GRIP1: variants seen among roughly 807,000 people sequenced by gnomAD.
GRIP1 encodes glutamate receptor interacting protein 1.
Under a neutral mutation model 129.9 loss-of-function variants are expected in GRIP1, and 45 were observed. That is an observed-to-expected ratio of 0.35 (90% CI 0.27 to 0.44). The LOEUF (loss-of-function observed/expected upper bound fraction) is 0.44, where lower values mean the gene tolerates loss of function less well. Among genes scored for constraint, GRIP1 ranks in the 20% least tolerant of loss-of-function variants. The pLI is 1.00. For missense variants in GRIP1, 1,196 were observed against 1,396.8 expected, an observed-to-expected ratio of 0.86 and a Z score of 2.29; for synonymous variants, 530 against 520.8, an observed-to-expected ratio of 1.02 and a Z score of -0.24.
chr12:66,521,910 C>G (rs2061023453), intron 5 of GRIP1, among the ~76,000 whole-genome samples: 1 of 152,224 alleles, frequency 6.6e-6, no homozygotes, highest in African/African-American at 2.4e-5. Flanking sequence ...ATTGCTAGCA[C>G]AGCAGTCTGA....
chr12:66,873,494 C>T (rs188850347), intron 1 of GRIP1, among the ~76,000 whole-genome samples: 45 of 152,178 alleles, frequency 3.0e-4, no homozygotes, highest in Non-Finnish European at 5.6e-4. Context: ...TATCAAAATA[C>T]TCTACATCTC....
chr12:66,870,184 G>A (rs2040271590), intron 1 of GRIP1, among the ~76,000 whole-genome samples: 5 of 152,070 alleles, frequency 3.3e-5, no homozygotes, highest in Admixed American at 3.3e-4. Flanking sequence ...GGAATCATAA[G>A]CATATGACAG....
In GRIP1 at chr12:66,473,285, T is replaced by G. The variant is rs1227672276; in HGVS notation, c.725-7863A>C. Among the ~76,000 whole-genome samples the G allele has an allele frequency of 2.6e-5, 4 of 152,232 alleles. No homozygotes were observed. In the East Asian group the frequency reaches 7.7e-4, roughly 29 times the overall value. On this transcript the variant is annotated intron_variant, in intron 7 of 24. Transcript: ENST00000359742. ...CCAGACTGCCTCTCTAGATTCCTCCTCTCTGGGCAGGGCATCTCTGAAAGA... is the reference window on the plus strand; with the variant it reads ...CCAGACTGCCTCTCTAGATTCCTCCGCTCTGGGCAGGGCATCTCTGAAAGA...
intron 2 of GRIP1, among the ~76,000 whole-genome samples, chr12:66,558,804 A>G (rs1323693014): frequency 1.3e-5 from 2 of 152,158 alleles, no homozygotes; most frequent in African/African-American, 4.8e-5. Flanking sequence ...AAAATAAAGG[A>G]GAGAATACTT....
chr12:66,463,156 G>C, intron 8 of GRIP1, 63 bp from the exon 9 acceptor site: 2 of 1,277,872 alleles, frequency 1.6e-6, no homozygotes, highest in South Asian at 1.2e-5. Flanking sequence ...TGACTTTCAT[G>C]TCCTTCATAG....
chr12:66,823,840 A>G (rs1358788037), intron 1 of GRIP1, among the ~76,000 whole-genome samples: 2 of 152,148 alleles, frequency 1.3e-5, no homozygotes, highest in East Asian at 1.9e-4. Context: ...CCAACAGATA[A>G]CCACACGCTT....
chr12:66,651,602 A>C (rs1443568437), intron 1 of GRIP1, among the ~76,000 whole-genome samples: 1 of 152,170 alleles, frequency 6.6e-6, no homozygotes, highest in Non-Finnish European at 1.5e-5. Context: ...CACCATGGCT[A>C]ATTGGGGAAA....
At chr12:66,791,124 G>A (rs1321376708) in intron 1 of GRIP1, among the ~76,000 whole-genome samples, 1 of 152,196 alleles carries the variant, frequency 6.6e-6, no homozygotes, top group African/African-American at 2.4e-5. Flanking sequence ...GCAGAATCCA[G>A]AGGGCCACAA....
chr12:67,067,213 T>C (rs963280883), intron 1 of GRIP1, among the ~76,000 whole-genome samples: 1 of 152,094 alleles, frequency 6.6e-6, no homozygotes, highest in East Asian at 1.9e-4. Flanking sequence ...TTCAGTCTTA[T>C]CTCCACCAAG....
At chr12:66,942,468 A>C (rs1296894245) in intron 1 of GRIP1, among the ~76,000 whole-genome samples, 1 of 152,218 alleles carries the variant, frequency 6.6e-6, no homozygotes, top group Non-Finnish European at 1.5e-5. Flanking sequence ...CAAGGTCAGT[A>C]AAGGGGCACC....
At chr12:66,986,935 A>C (rs1461505033) in intron 1 of GRIP1, among the ~76,000 whole-genome samples, 1 of 152,102 alleles carries the variant, frequency 6.6e-6, no homozygotes, top group African/African-American at 2.4e-5. Flanking sequence ...AAATTCTAAG[A>C]AGCTCAGAGA....
At position 66,627,121 on chromosome 12, in the gene GRIP1, C is replaced by G. The variant is rs2030168174; in HGVS notation, c.56-30194G>C. Among the ~76,000 whole-genome samples, 3 of 152,184 alleles carry G rather than the reference C, an allele frequency of 2.0e-5. No individual in the cohort carries two copies. The South Asian group carries it at 6.2e-4, about 32-fold the overall frequency. On this transcript the variant is annotated intron_variant, in intron 1 of 24. Transcript: ENST00000359742. ...AGAATACTTAGATGTTCTTTCTCAT[C>G]AGTCAAGGTAGCTCACACTCACTTT... is the stretch of plus-strand genomic sequence containing the variant.
chr12:67,053,081 T>G (rs961859278), intron 1 of GRIP1, among the ~76,000 whole-genome samples: 35 of 152,186 alleles, frequency 2.3e-4, no homozygotes, highest in Non-Finnish European at 3.1e-4. Flanking sequence ...AGTTCCATGA[T>G]GAGGAATCCA....
Position 67,069,156 on chromosome 12 carries a change from C to G in GRIP1, c.-49G>C, listed in dbSNP as rs1246407495. 1.3e-5 allele frequency: 13 copies of G among 974,552 alleles called. No individual in the cohort carries two copies. The South Asian group carries it at 1.4e-4, about 11-fold the overall frequency. 60.4% of individuals were successfully genotyped at this position (974,552 alleles called of 1,614,324 possible). ...TCGGGCTCGCTCTTTCTCGCTGGCT[C>G]TCTTTCTCCGGGGCTCTCCGCGCCT... is the stretch of plus-strand genomic sequence containing the variant. On this transcript the variant is annotated 5_prime_UTR_variant, in exon 1 of 2. Coordinates refer to the GRIP1 transcript ENST00000643019.
intron 1 of GRIP1, among the ~76,000 whole-genome samples, chr12:66,785,327 C>CATATATATATATAT (rs1415065185): frequency 1.8e-4 from 7 of 38,512 alleles, no homozygotes; most frequent in African/African-American, 5.5e-4. Flanking sequence ...TACATACATA[C>CATATATATATATAT]ATACATACAT....
intron 1 of GRIP1, among the ~76,000 whole-genome samples, chr12:66,946,962 C>T (rs937946761): frequency 1.3e-5 from 2 of 151,442 alleles, no homozygotes; most frequent in Non-Finnish European, 2.9e-5. Flanking sequence ...GAGAATTGCT[C>T]GACCCCAGGA....
intron 1 of GRIP1, among the ~76,000 whole-genome samples, chr12:66,900,011 T>C (rs1389490339): frequency 6.6e-6 from 1 of 152,168 alleles, no homozygotes; most frequent in Non-Finnish European, 1.5e-5. Context: ...ATAGCATATG[T>C]GATTTTTAGG....
At chr12:66,776,858 T>G (rs2037996691) in intron 1 of GRIP1, among the ~76,000 whole-genome samples, 1 of 152,206 alleles carries the variant, frequency 6.6e-6, no homozygotes, top group African/African-American at 2.4e-5. Flanking sequence ...CATACATTTG[T>G]ACAGCTTTTT....
intron 1 of GRIP1, among the ~76,000 whole-genome samples, chr12:66,904,965 G>C (rs1346976603): frequency 6.6e-6 from 1 of 151,978 alleles, no homozygotes; most frequent in African/African-American, 2.4e-5. Flanking sequence ...GAGTTTAAAA[G>C]ATTGGCTACT....
Sources: allele counts gnomAD v4.1 joint callset (sites outside exome capture counted in the v4.1 genomes callset), GRCh38; gene constraint gnomAD v4.1.1; transcripts MANE v1.5; gene names NCBI Gene and HGNC (gene_info 2026-07-23, HGNC 2026-07-21).